The following PLXNA4 variants were observed in gnomAD, a reference collection of about 807,000 sequenced individuals.
The protein encoded by PLXNA4 is plexin A4, also known as plexin-A4.
PLXNA4 carries 44 observed loss-of-function variants against 191.8 expected under a neutral mutation model. That is an observed-to-expected ratio of 0.23 (90% CI 0.18 to 0.29). The LOEUF (loss-of-function observed/expected upper bound fraction) is 0.29, where lower values mean the gene tolerates loss of function less well. PLXNA4 is among the 10% of genes least tolerant of loss of function. PLXNA4 has a pLI of 1.00. For missense variants in PLXNA4, 1,800 were observed against 2,488.8 expected (o/e 0.72, Z 5.89); for synonymous variants, 1,082 against 1,009.5 (o/e 1.07, Z -1.36).
At chr7:132,146,723 C>T (rs1795446242) in intron 27 of PLXNA4, 23 bp from the exon 28 acceptor site, 1 of 1,612,650 alleles carries the variant, frequency 6.2e-7, no homozygotes, top group Non-Finnish European at 8.5e-7. Context: ...GGATCACCCC[C>T]CGACATATGT....
rs772979972 is a variant in PLXNA4, at chr7:132,507,784, C to T, written c.910G>A (p.Gly304Arg). Residue 304 changes from glycine (G) to arginine (R), a missense_variant, in exon 2 of 32, where the codon GGG becomes AGG. This residue lies in a region of PLXNA4 where 1,397 missense variants were observed against 1,880.4 expected (regional missense o/e 0.74). Transcript: ENST00000321063. ...GCCTGCAGCAGGCGGTACTCCACCCCACTGCGCTCACAGCCAATGGGCACC... is the reference window on the plus strand; with the variant it reads ...GCCTGCAGCAGGCGGTACTCCACCCTACTGCGCTCACAGCCAATGGGCACC... ...VEVPIGCERS[G>R]VEYRLLQAAY... The T allele has an allele frequency of 1.2e-6, 2 of 1,614,026 alleles. No homozygotes were observed. Among genetic ancestry groups the T allele is most frequent in the Non-Finnish European group, 1.7e-6 (2 of 1,180,042 alleles).
chr7:132,438,488 C>T (rs1334892518), intron 3 of PLXNA4, among the ~76,000 whole-genome samples: 1 of 152,084 alleles, frequency 6.6e-6, no homozygotes, highest in South Asian at 2.1e-4. Context: ...TTCATATTAC[C>T]CAGTTAAACA....
At chr7:132,253,843 G>T (rs894612572) in intron 4 of PLXNA4, among the ~76,000 whole-genome samples, 1 of 152,112 alleles carries the variant, frequency 6.6e-6, no homozygotes, top group Non-Finnish European at 1.5e-5. Context: ...AAATTACTGG[G>T]CAAGGACCAG....
chr7:132,318,972 G>A (rs563739187), intron 3 of PLXNA4, among the ~76,000 whole-genome samples: 2 of 152,230 alleles, frequency 1.3e-5, no homozygotes, highest in Admixed American at 1.3e-4. Flanking sequence ...TGTGACGCCT[G>A]GCCCCGCAGC....
At chr7:132,610,299 T>A (rs1426100722) in intron 2 of PLXNA4, among the ~76,000 whole-genome samples, 3 of 152,112 alleles carry the variant, frequency 2.0e-5, no homozygotes. Context: ...GGGCCTCAAT[T>A]TCTCCACCAG....
chr7:132,317,778 CA>C (rs1802004225), intron 3 of PLXNA4, among the ~76,000 whole-genome samples: 1 of 152,210 alleles, frequency 6.6e-6, no homozygotes, highest in African/African-American at 2.4e-5. Flanking sequence ...CAAAAGTCAG[CA>C]CAGCATTGTG....
intron 3 of PLXNA4, among the ~76,000 whole-genome samples, chr7:132,317,352 G>A (rs68132710): frequency 0.067 from 10,113 of 151,368 alleles, 434 homozygotes; most frequent in African/African-American, 0.12. Flanking sequence ...ACTGGATTGG[G>A]TTGGGTTGTG....
At chr7:132,283,878 T>C (rs747084099) in intron 4 of PLXNA4, among the ~76,000 whole-genome samples, 10 of 152,224 alleles carry the variant, frequency 6.6e-5, no homozygotes, top group Non-Finnish European at 1.3e-4. Context: ...AGTCAAGATA[T>C]CCACTTAACT....
chr7:132,437,873 G>A (rs1456094280), intron 3 of PLXNA4, among the ~76,000 whole-genome samples: 1 of 152,190 alleles, frequency 6.6e-6, no homozygotes, highest in Admixed American at 6.5e-5. Flanking sequence ...ACATTAAGTG[G>A]AAAACACTGT....
chr7:132,485,823 AT>A (rs1182787719), intron 3 of PLXNA4, among the ~76,000 whole-genome samples: 1 of 152,232 alleles, frequency 6.6e-6, no homozygotes, highest in Non-Finnish European at 1.5e-5. Flanking sequence ...AGACATCTAA[AT>A]TGGCACTTTC....
chr7:132,521,171 G>A (rs1212627696), intron 1 of PLXNA4, among the ~76,000 whole-genome samples: 2 of 127,808 alleles, frequency 1.6e-5, no homozygotes, highest in African/African-American at 6.4e-5. Context: ...AGATATATTT[G>A]CTCCTTGAAA....
At chr7:132,230,166 G>A (rs560861991) in intron 5 of PLXNA4, among the ~76,000 whole-genome samples, 26 of 152,266 alleles carry the variant, frequency 1.7e-4, no homozygotes, top group African/African-American at 5.5e-4. Context: ...ATTGTCTAGC[G>A]TTTAAGTCTC....
intron 1 of PLXNA4, among the ~76,000 whole-genome samples, chr7:132,572,037 G>T (rs922456015): frequency 6.6e-6 from 1 of 152,186 alleles, no homozygotes; most frequent in African/African-American, 2.4e-5. Flanking sequence ...CACAGAGGTA[G>T]TGCAAGAGAC....
intron 4 of PLXNA4, among the ~76,000 whole-genome samples, chr7:132,258,716 C>T (rs759372745): frequency 3.3e-5 from 5 of 152,162 alleles, no homozygotes; most frequent in Non-Finnish European, 7.3e-5. Context: ...ACCCCAGATC[C>T]AGGAAAACAC....
intron 1 of PLXNA4, among the ~76,000 whole-genome samples, chr7:132,537,917 G>A (rs996308570): frequency 1.3e-5 from 2 of 152,358 alleles, no homozygotes; most frequent in African/African-American, 4.8e-5. Flanking sequence ...TGGACACACA[G>A]CCTGGGATCA....
chr7:132,429,404 T>TAAG (rs58575328), intron 3 of PLXNA4, among the ~76,000 whole-genome samples: 40,598 of 151,852 alleles, frequency 0.27, 10,937 homozygotes, highest in African/African-American at 0.68. Context: ...AAGGGTCAGA[T>TAAG]AAATAGTTTA....
At chr7:132,315,177 G>A (rs960401301) in intron 3 of PLXNA4, among the ~76,000 whole-genome samples, 2 of 152,192 alleles carry the variant, frequency 1.3e-5, no homozygotes, top group Non-Finnish European at 2.9e-5. Flanking sequence ...AACAGGACCA[G>A]AGGGGCTTTC....
chr7:132,213,071 C>T (rs2116910742), intron 9 of PLXNA4, among the ~76,000 whole-genome samples: 1 of 152,276 alleles, frequency 6.6e-6, no homozygotes, highest in East Asian at 1.9e-4. Flanking sequence ...TATTACTCAG[C>T]CTTAAAAAGG....
At chr7:132,356,404 T>C (rs920231974) in intron 3 of PLXNA4, among the ~76,000 whole-genome samples, 1 of 152,362 alleles carries the variant, frequency 6.6e-6, no homozygotes, top group East Asian at 1.9e-4. Context: ...ATGTTCAAGA[T>C]GAACTTCCTG....
Sources: allele counts gnomAD v4.1 joint callset (sites outside exome capture counted in the v4.1 genomes callset), GRCh38; gene constraint gnomAD v4.1.1; regional missense constraint gnomAD v4.1.1; transcripts MANE v1.5; gene names NCBI Gene and HGNC (gene_info 2026-07-23, HGNC 2026-07-21).